The following MIPEP variants were observed in gnomAD, a reference collection of about 807,000 sequenced individuals.
The protein encoded by MIPEP is mitochondrial intermediate peptidase.
A neutral mutation model predicts 90.3 loss-of-function variants in MIPEP; 79 were observed. The ratio of observed to expected loss-of-function variants is 0.87; its 90% CI spans 0.73 to 1.05. The LOEUF (loss-of-function observed/expected upper bound fraction) is 1.05, where lower values mean the gene tolerates loss of function less well. Ranked by LOEUF, MIPEP falls within the 50% of genes least tolerant of loss-of-function variation. MIPEP has a pLI of 0.00. For synonymous variants in MIPEP, 334 were observed against 315.8 expected (o/e 1.06, Z -0.61); for missense variants, 940 against 905.6 (o/e 1.04, Z -0.49).
intron 15 of MIPEP, among the ~76,000 whole-genome samples, chr13:23,806,669 C>CAAAA (rs1172667936): frequency 6.5e-4 from 88 of 135,792 alleles, no homozygotes; most frequent in African/African-American, 2.3e-3. Context: ...GACTCCGTCT[C>CAAAA]AAAAAAAAAA....
At chr13:23,805,317 A>G (rs1953095589) in intron 16 of MIPEP, among the ~76,000 whole-genome samples, 1 of 152,162 alleles carries the variant, frequency 6.6e-6, no homozygotes. Context: ...CCCCCATACA[A>G]TCACTTAACT....
chr13:23,864,926 A>ATAAAT (rs1325141565), intron 7 of MIPEP, among the ~76,000 whole-genome samples: 2 of 152,200 alleles, frequency 1.3e-5, no homozygotes, highest in Non-Finnish European at 2.9e-5. Flanking sequence ...ATTCCCTGAA[A>ATAAAT]TAAATTTTTT....
chr13:23,737,594 T>C (rs566998442), intron 18 of MIPEP, among the ~76,000 whole-genome samples: 2 of 152,374 alleles, frequency 1.3e-5, no homozygotes, highest in East Asian at 3.9e-4. Flanking sequence ...CATATCCTGT[T>C]ATTTTGTAAT....
Position 23,858,932 on chromosome 13 carries a change from T to C in MIPEP, c.1054-20A>G. On this transcript the variant is annotated intron_variant, in intron 9 of 18. Coordinates refer to ENST00000382172, the MANE Select transcript of MIPEP (RefSeq NM_005932.4). ...TACTTCCTACAATGGAATAATTCAC[T>C]GTTAAGGAAAGCTACTGACTCTTTC... 6.2e-7 allele frequency: 1 copy of C among 1,608,094 alleles called. No homozygotes were observed. Among genetic ancestry groups the C allele is most frequent in the South Asian group, 1.1e-5 (1 of 90,842 alleles).
Position 23,841,473 on chromosome 13 carries a change from G to A in MIPEP, c.1122C>T (p.Pro374=), listed in dbSNP as rs758436535. The A allele has an allele frequency of 1.1e-5, 18 of 1,612,328 alleles. No individual in the cohort carries two copies. The highest frequency in any genetic ancestry group is 1.4e-5 in the Non-Finnish European group (16 of 1,179,610). The change falls in exon 11 of 19, where the codon CCC becomes CCT. Residue 374 remains proline, a synonymous_variant. Transcript: ENST00000382172. ...GAGAGAAAAACGGGCAATATAGGCT[G>A]GGCTCAATATTATACCTAAGAGAAG... The part of the protein sequence containing the change: ...VIRAERYNIE[P]SLYCPFFSLG...
At chr13:23,822,796 CTT>C (rs752665011) in intron 14 of MIPEP, among the ~76,000 whole-genome samples, 1 of 145,920 alleles carries the variant, frequency 6.9e-6, no homozygotes, top group African/African-American at 2.5e-5. Flanking sequence ...AGAATTGCAA[CTT>C]TTTTTTTTTT....
rs139374821 is a variant in MIPEP, at chr13:23,798,938, G to A, written c.1848+7012C>T. Among the ~76,000 whole-genome samples, 495 of 150,840 alleles carry A rather than the reference G, an allele frequency of 3.3e-3. 2 individuals carry two copies. The highest frequency in any genetic ancestry group is 0.012 in the African/African-American group (483 of 40,970). On this transcript the variant is annotated intron_variant, in intron 16 of 18. Transcript: ENST00000382172. ...TATTTATTTGTAGCAACGTGAGAAT[G>A]GATTAATACATATAATACATCCCTC...
chr13:23,831,487 C>T (rs1362064648), intron 14 of MIPEP, among the ~76,000 whole-genome samples: 1 of 151,580 alleles, frequency 6.6e-6, no homozygotes, highest in African/African-American at 2.4e-5. Flanking sequence ...ATGTAGCTTA[C>T]AATTCTGTAG....
In MIPEP at chr13:23,730,422, CAGA is replaced by C; in HGVS notation, c.2065_2067del (p.Ser689del). On this transcript the variant is annotated inframe_deletion, in exon 19 of 19. Coordinates refer to ENST00000382172, the MANE Select transcript of MIPEP (RefSeq NM_005932.4). The stretch of plus-strand genomic sequence containing the variant: ...ACGAGGGCACTTACGAAGTCATCAA[CAGA>C]AGGACACTTCTGAAGCATACCTGCA... 8 of 1,612,050 alleles carry C rather than the reference CAGA, an allele frequency of 5.0e-6. No individual in the cohort carries two copies. Among genetic ancestry groups the C allele is most frequent in the Non-Finnish European group, 6.8e-6 (8 of 1,178,628 alleles).
At chr13:23,810,074 G>A (rs1344353041) in intron 14 of MIPEP, 150 bp from the exon 15 acceptor site, 1 of 512,582 alleles carries the variant, frequency 2.0e-6, no homozygotes, top group Admixed American at 3.7e-5. Context: ...AAATATTTTA[G>A]TTGGCAAGAC....
At chr13:23,784,707 T>C (rs1390195868) in intron 16 of MIPEP, among the ~76,000 whole-genome samples, 8 of 152,210 alleles carry the variant, frequency 5.3e-5, no homozygotes, top group African/African-American at 1.7e-4. Flanking sequence ...AGGCAACCTA[T>C]AGAATGGGAG....
At chr13:23,829,367 T>G (rs1455712972) in intron 14 of MIPEP, among the ~76,000 whole-genome samples, 2 of 151,456 alleles carry the variant, frequency 1.3e-5, no homozygotes, top group Admixed American at 1.3e-4. Flanking sequence ...ATATAAAAAT[T>G]GGCTGGGCAT....
intron 14 of MIPEP, 67 bp downstream of exon 14, chr13:23,836,173 A>G: frequency 1.0e-6 from 1 of 984,388 alleles, no homozygotes; most frequent in South Asian, 1.8e-5. Flanking sequence ...AGTTCAATTT[A>G]TCCAGGATGT....
At chr13:23,880,162 C>A (rs1381234495) in intron 3 of MIPEP, among the ~76,000 whole-genome samples, 1 of 152,232 alleles carries the variant, frequency 6.6e-6, no homozygotes, top group South Asian at 2.1e-4. Flanking sequence ...CAAAAAAACA[C>A]TTAAGATTTA....
At chr13:23,830,822 C>G (rs1031772700) in intron 14 of MIPEP, among the ~76,000 whole-genome samples, 1 of 152,116 alleles carries the variant, frequency 6.6e-6, no homozygotes, top group Non-Finnish European at 1.5e-5. Context: ...AAGCAGCAGC[C>G]ACCCCTCAGG....
At chr13:23,781,983 T>A (rs1292915317) in intron 16 of MIPEP, among the ~76,000 whole-genome samples, 1 of 152,136 alleles carries the variant, frequency 6.6e-6, no homozygotes, top group South Asian at 2.1e-4. Flanking sequence ...CAAAGAGACT[T>A]AGACTCCCAC....
chr13:23,837,313 G>A (rs536232271), intron 13 of MIPEP, among the ~76,000 whole-genome samples: 21 of 152,238 alleles, frequency 1.4e-4, no homozygotes, highest in African/African-American at 4.8e-4. Context: ...TGTAAAAAGG[G>A]ACAAACTTGA....
At chr13:23,825,017 C>A (rs1427885621) in intron 14 of MIPEP, among the ~76,000 whole-genome samples, 2 of 152,122 alleles carry the variant, frequency 1.3e-5, no homozygotes, top group Admixed American at 6.5e-5. Flanking sequence ...CAGTTTGCGT[C>A]CATTATTAAA....
intron 10 of MIPEP, among the ~76,000 whole-genome samples, chr13:23,843,501 C>A (rs1314378614): frequency 1.3e-5 from 2 of 152,174 alleles, no homozygotes; most frequent in East Asian, 3.9e-4. Context: ...TATCACATTG[C>A]AAAAAGAAAA....
Sources: gnomAD v4.1 joint callset for allele counts (sites outside exome capture counted in the v4.1 genomes callset) on GRCh38, gnomAD v4.1.1 for gene constraint, MANE v1.5 for transcripts, NCBI Gene and HGNC (gene_info 2026-07-23, HGNC 2026-07-21) for gene names.